The following WDR70 variants were observed in gnomAD, a reference collection of about 807,000 sequenced individuals.
The protein encoded by WDR70 is WD repeat-containing protein 70.
Under a neutral mutation model 88.6 loss-of-function variants are expected in WDR70, and 53 were observed. That is an observed-to-expected ratio of 0.60 (90% CI 0.48 to 0.75). The LOEUF (loss-of-function observed/expected upper bound fraction) is 0.75. Ranked by LOEUF, WDR70 falls within the 30% of genes least tolerant of loss-of-function variation. The pLI is 0.00. For missense variants in WDR70, 610 were observed against 823.2 expected, an observed-to-expected ratio of 0.74 and a Z score of 3.17; for synonymous variants, 280 against 270.0, an observed-to-expected ratio of 1.04 and a Z score of -0.36.
intron 8 of WDR70, among the ~76,000 whole-genome samples, chr5:37,508,498 T>A (rs555117777): frequency 6.6e-6 from 1 of 152,354 alleles, no homozygotes; most frequent in East Asian, 1.9e-4. Flanking sequence ...AGTTGTTTTC[T>A]GTCACTGATT....
intron 9 of WDR70, among the ~76,000 whole-genome samples, chr5:37,563,535 G>A (rs1189495617): frequency 3.8e-4 from 21 of 54,974 alleles, no homozygotes; most frequent in East Asian, 1.0e-3. Context: ...TCCCGGATGG[G>A]GCGGCTGGCC....
intron 10 of WDR70, among the ~76,000 whole-genome samples, chr5:37,687,674 C>A (rs1260062904): frequency 1.3e-5 from 2 of 152,100 alleles, no homozygotes; most frequent in East Asian, 3.9e-4. Flanking sequence ...CACCTGTAGT[C>A]AAAATCCCAT....
chr5:37,649,851 C>T (rs1398709126), intron 10 of WDR70, among the ~76,000 whole-genome samples: 8 of 139,002 alleles, frequency 5.8e-5, no homozygotes, highest in African/African-American at 2.2e-4. Flanking sequence ...CATTCTCCTG[C>T]CTCAGCCTCC....
intron 8 of WDR70, among the ~76,000 whole-genome samples, chr5:37,500,842 C>T (rs958829081): frequency 1.3e-5 from 2 of 149,494 alleles, no homozygotes; most frequent in Non-Finnish European, 3.0e-5. Context: ...TCTCCTGCCT[C>T]AGCCTCCCGA....
intron 7 of WDR70, among the ~76,000 whole-genome samples, chr5:37,461,203 A>T (rs1258096821): frequency 6.6e-6 from 1 of 152,012 alleles, no homozygotes; most frequent in African/African-American, 2.4e-5. Flanking sequence ...GAAAGCTTCA[A>T]ATATTTATCT....
chr5:37,702,811 A>G, intron 12 of WDR70, 138 bp from the exon 13 acceptor site: 1 of 806,660 alleles, frequency 1.2e-6, no homozygotes, highest in Non-Finnish European at 1.8e-6. Flanking sequence ...TGACGATTAA[A>G]CAAATTAATA....
chr5:37,646,638 A>G (rs937634954), intron 10 of WDR70, among the ~76,000 whole-genome samples: 9 of 152,102 alleles, frequency 5.9e-5, no homozygotes, highest in Non-Finnish European at 2.9e-5. Flanking sequence ...TGTCCATACT[A>G]TTCTAGGGTA....
chr5:37,435,879 A>G (rs1486624693), intron 5 of WDR70, among the ~76,000 whole-genome samples: 2 of 151,846 alleles, frequency 1.3e-5, no homozygotes, highest in Non-Finnish European at 2.9e-5. Context: ...GTGTGTATGT[A>G]TGTCTGCCAT....
At chr5:37,702,264 G>A (rs1427720868) in intron 12 of WDR70, among the ~76,000 whole-genome samples, 2 of 152,194 alleles carry the variant, frequency 1.3e-5, no homozygotes, top group African/African-American at 4.8e-5. Context: ...CCTGCTACAA[G>A]TAATGCTAAC....
At chr5:37,600,072 A>C (rs1743824455) in intron 9 of WDR70, among the ~76,000 whole-genome samples, 1 of 152,168 alleles carries the variant, frequency 6.6e-6, no homozygotes, top group Admixed American at 6.5e-5. Flanking sequence ...AAATGATGAA[A>C]GAGGGAAAAA....
At chr5:37,421,901 C>G (rs1031226444) in intron 5 of WDR70, among the ~76,000 whole-genome samples, 1 of 151,452 alleles carries the variant, frequency 6.6e-6, no homozygotes, top group African/African-American at 2.4e-5. Context: ...CTCCCTCTCT[C>G]TTGGTGGTTG....
At chr5:37,610,297 G>T (rs1347274486) in intron 10 of WDR70, among the ~76,000 whole-genome samples, 5 of 150,632 alleles carry the variant, frequency 3.3e-5, no homozygotes, top group African/African-American at 1.2e-4. Flanking sequence ...TTGTTTTTAT[G>T]TAGAGAGAAT....
At chr5:37,490,983 C>G (rs1740048575) in intron 8 of WDR70, among the ~76,000 whole-genome samples, 1 of 152,078 alleles carries the variant, frequency 6.6e-6, no homozygotes, top group Non-Finnish European at 1.5e-5. Flanking sequence ...GGGGTCTGGG[C>G]TCTCAAATTC....
chr5:37,488,502 C>CTTTTTTTTTTTTTTTTTTTT (rs113142236), intron 8 of WDR70, among the ~76,000 whole-genome samples: 1 of 137,532 alleles, frequency 7.3e-6, no homozygotes, highest in East Asian at 2.1e-4. Context: ...TTGTTCTTTA[C>CTTTTTTTTTTTTTTTTTTTT]TTTTTTTTTT....
chr5:37,613,691 T>C (rs993595247), intron 10 of WDR70, among the ~76,000 whole-genome samples: 10 of 152,304 alleles, frequency 6.6e-5, no homozygotes, highest in Non-Finnish European at 1.0e-4. Context: ...TTTGTTATTA[T>C]TATTATTGCA....
intron 3 of WDR70, among the ~76,000 whole-genome samples, chr5:37,389,086 ATTCT>A (rs1032106988): frequency 2.1e-5 from 3 of 139,938 alleles, no homozygotes; most frequent in African/African-American, 5.6e-5. Context: ...AAGCAGGCCC[ATTCT>A]TTTTTTTTTT....
At chr5:37,653,849 G>A (rs1312256688) in intron 10 of WDR70, among the ~76,000 whole-genome samples, 2 of 151,960 alleles carry the variant, frequency 1.3e-5, no homozygotes, top group Non-Finnish European at 2.9e-5. Flanking sequence ...TATTAGTCTA[G>A]CTAGTGGTCT....
chr5:37,742,331 G>A (rs180947953), intron 17 of WDR70, among the ~76,000 whole-genome samples: 2 of 147,786 alleles, frequency 1.4e-5, no homozygotes, highest in East Asian at 2.0e-4. Flanking sequence ...GTTTAGGTCT[G>A]TACTTCCCTA....
At chr5:37,514,356 A>ATATG (rs1554145421) in intron 8 of WDR70, among the ~76,000 whole-genome samples, 71 of 54,326 alleles carry the variant, frequency 1.3e-3, no homozygotes, top group South Asian at 2.4e-3. Flanking sequence ...ATATATATAT[A>ATATG]TATGTATGTA....
Sources: allele counts gnomAD v4.1 joint callset (sites outside exome capture counted in the v4.1 genomes callset), GRCh38; gene constraint gnomAD v4.1.1; transcripts MANE v1.5; gene names NCBI Gene and HGNC (gene_info 2026-07-23, HGNC 2026-07-21).